Variants in YEATS2 observed in about 807,000 individuals in gnomAD.
YEATS2 encodes the protein YEATS domain containing 2, also known as YEATS domain-containing protein 2.
Under a neutral mutation model 163.2 loss-of-function variants are expected in YEATS2, and 77 were observed. The observed-to-expected ratio is 0.47, with a 90% CI of 0.39 to 0.57. The LOEUF (loss-of-function observed/expected upper bound fraction) is 0.57. Among genes scored for constraint, YEATS2 ranks in the 20% least tolerant of loss-of-function variants. The probability of loss-of-function intolerance (pLI) is 0.00; values close to 1 mark genes in which losing one functional copy is unlikely to be tolerated. For synonymous variants in YEATS2, 631 were observed against 645.1 expected (o/e 0.98, Z 0.33); for missense variants, 1,549 against 1,729.8 (o/e 0.90, Z 1.85).
At chr3:183,708,492 C>T (rs2108989630) in intron 1 of YEATS2, among the ~76,000 whole-genome samples, 1 of 152,274 alleles carries the variant, frequency 6.6e-6, no homozygotes, top group South Asian at 2.1e-4. Flanking sequence ...CTGTACATTA[C>T]ATCATCTTTA....
At chr3:183,756,474 T>C in intron 11 of YEATS2, 54 bp from the exon 12 acceptor site, 1 of 1,459,328 alleles carries the variant, frequency 6.9e-7, no homozygotes, top group Non-Finnish European at 9.1e-7. Flanking sequence ...GACATCTTCT[T>C]ACGTGAGTTG....
intron 17 of YEATS2, 122 bp from the exon 18 acceptor site, chr3:183,775,793 A>G: frequency 6.8e-7 from 1 of 1,462,634 alleles, no homozygotes; most frequent in South Asian, 1.2e-5. Context: ...AAGACGGAGG[A>G]AAATGGGAAA....
intron 7 of YEATS2, among the ~76,000 whole-genome samples, chr3:183,731,353 A>G (rs1490158197): frequency 1.3e-5 from 2 of 151,804 alleles, no homozygotes. Context: ...GTAGGTAGGT[A>G]CAGTATGTTT....
chr3:183,782,634 G>A (rs893285797), intron 19 of YEATS2, among the ~76,000 whole-genome samples: 14 of 152,140 alleles, frequency 9.2e-5, no homozygotes, highest in African/African-American at 3.1e-4. Context: ...ATGTGGGCCA[G>A]GCTGGTCTCG....
At chr3:183,797,870 C>T in intron 21 of YEATS2, 53 bp from the exon 22 acceptor site, 3 of 1,609,462 alleles carry the variant, frequency 1.9e-6, no homozygotes, top group East Asian at 2.2e-5. Context: ...GGATAAGAGA[C>T]TTTCCCGAAG....
rs1717565035 is a variant in YEATS2 at position 183,730,044 on chromosome 3, T to TTTCG, written c.812+1195_812+1196insCGTT. Among the ~76,000 whole-genome samples, 4 of 89,702 alleles carry TTTCG rather than the reference T, an allele frequency of 4.5e-5. No homozygotes were observed. In the East Asian group the frequency reaches 2.2e-3, roughly 49 times the overall value. The allele number at this position is 89,702 out of a possible 152,430, so 58.8% of individuals were successfully genotyped here. Reference sequence around the variant, plus strand: ...ACACATATATATTAATTGTGTGGTTTTTTGTTTGTTTTTTTTTTTTTTTTT... The same window carrying TTTCG: ...ACACATATATATTAATTGTGTGGTTTTTCGTTTGTTTGTTTTTTTTTTTTTTTTT... On this transcript the variant is annotated intron_variant, in intron 7 of 30. Coordinates refer to ENST00000305135, the MANE Select transcript of YEATS2 (RefSeq NM_018023.5).
At chr3:183,722,345 G>A (rs1301384926) in intron 5 of YEATS2, among the ~76,000 whole-genome samples, 2 of 139,548 alleles carry the variant, frequency 1.4e-5, no homozygotes, top group Admixed American at 7.7e-5. Context: ...CTGGAGTGCA[G>A]TGGCAGGATC....
At chr3:183,713,868 C>T (rs889050711) in intron 1 of YEATS2, among the ~76,000 whole-genome samples, 6 of 152,158 alleles carry the variant, frequency 3.9e-5, no homozygotes, top group Non-Finnish European at 5.9e-5. Context: ...TGCAGTGGCA[C>T]GATCTCGGCT....
At chr3:183,722,263 A>G in intron 5 of YEATS2, 127 bp downstream of exon 5, 1 of 818,458 alleles carries the variant, frequency 1.2e-6, no homozygotes, top group Non-Finnish European at 1.7e-6. Flanking sequence ...TCCTTTTATA[A>G]TGGGGAAACC....
In YEATS2 at chr3:183,722,017, A is replaced by T. The variant is rs751072962; in HGVS notation, c.418A>T (p.Ser140Cys). 4 of 1,614,184 alleles carry T rather than the reference A, an allele frequency of 2.5e-6. No individual in the cohort carries two copies. The highest frequency in any genetic ancestry group is 3.4e-6 in the Non-Finnish European group (4 of 1,180,046). The change falls in exon 5 of 31, where the codon AGT (serine) becomes TGT (cysteine). Residue 140 changes from serine (S) to cysteine (C), a missense_variant. Coordinates refer to ENST00000305135, the MANE Select transcript of YEATS2 (RefSeq NM_018023.5). ...AETPSANHSE[S>C]DSLSQHNDFL... ...AACACCATCAGCCAATCATTCAGAA[A>T]GTGATTCTTTATCTCAGCACAATGA...
Position 183,724,437 on chromosome 3 carries a change from G to C in YEATS2, c.556G>C (p.Gly186Arg). ...TTTTCAGGATACTTCTAGAATTACT[G>C]GCTCCCATAAAACAGAACAGCGGAA... ...NTGRDTSRIT[G>R]SHKTEQRNAD... The change falls in exon 6 of 31, where the codon GGC becomes CGC. Residue 186 changes from glycine (G) to arginine (R), a missense_variant. Coordinates refer to ENST00000305135, the MANE Select transcript of YEATS2 (RefSeq NM_018023.5). 1 of 1,611,768 alleles carries C rather than the reference G, an allele frequency of 6.2e-7. No homozygotes were observed. The highest frequency in any genetic ancestry group is 8.5e-7 in the Non-Finnish European group (1 of 1,179,064).
chr3:183,725,697 G>C (rs1331430792), intron 6 of YEATS2, among the ~76,000 whole-genome samples: 1 of 152,216 alleles, frequency 6.6e-6, no homozygotes, highest in Non-Finnish European at 1.5e-5. Context: ...GTCCCTTCCA[G>C]GACGTGTGGG....
Position 183,698,592 on chromosome 3 carries a change from G to A in YEATS2, c.-20+599G>A, listed in dbSNP as rs75129524. The stretch of plus-strand genomic sequence containing the variant: ...AAGACAATGAGGTTTTCTCCATCAT[G>A]AATGTGATTATGTTAAGAAATAGAA... On this transcript the variant is annotated intron_variant, in intron 1 of 30. Transcript: ENST00000305135. Among the ~76,000 whole-genome samples the A allele has an allele frequency of 8.7e-3, 1,323 of 152,324 alleles. 8 individuals are homozygous for A. The highest frequency in any genetic ancestry group is 0.014 in the Non-Finnish European group (940 of 68,024).
intron 27 of YEATS2, among the ~76,000 whole-genome samples, chr3:183,804,723 C>A (rs1238498795): frequency 6.6e-6 from 1 of 152,150 alleles, no homozygotes; most frequent in Non-Finnish European, 1.5e-5. Flanking sequence ...CGCCGTGGCT[C>A]ACGCCTGTAA....
chr3:183,742,927 A>G (rs1577093644), intron 8 of YEATS2, among the ~76,000 whole-genome samples: 1 of 152,260 alleles, frequency 6.6e-6, no homozygotes, highest in South Asian at 2.1e-4. Context: ...AAGAGATTAC[A>G]GTTCACTCAA....
chr3:183,786,348 G>A, intron 20 of YEATS2, 47 bp downstream of exon 20: 1 of 1,548,676 alleles, frequency 6.5e-7, no homozygotes, highest in East Asian at 2.3e-5. Flanking sequence ...ACATGAAAGT[G>A]GTGTAGATAC....
At chr3:183,737,359 G>A (rs1257902132) in intron 8 of YEATS2, among the ~76,000 whole-genome samples, 2 of 152,254 alleles carry the variant, frequency 1.3e-5, no homozygotes, top group South Asian at 2.1e-4. Flanking sequence ...ATAGTGGGGG[G>A]AAGAGATACT....
At chr3:183,785,183 G>A (rs999884224) in intron 19 of YEATS2, among the ~76,000 whole-genome samples, 15 of 151,362 alleles carry the variant, frequency 9.9e-5, no homozygotes, top group Admixed American at 2.0e-4. Flanking sequence ...ACATTTTCTG[G>A]TTTTAAATTA....
chr3:183,773,659 A>G lies in YEATS2; in HGVS notation c.2233A>G (p.Thr745Ala). 1 of 1,609,986 alleles carries G rather than the reference A, an allele frequency of 6.2e-7. No individual in the cohort carries two copies. The highest frequency in any genetic ancestry group is 1.7e-4 in the Middle Eastern group (1 of 6,034). Reference sequence around the variant, plus strand: ...AATGGCAACGTTGCAGCTACCAGCCACTAATTTGGCCAACTTGGCAAATTT... The same window carrying G: ...AATGGCAACGTTGCAGCTACCAGCCGCTAATTTGGCCAACTTGGCAAATTT... ...SVMATLQLPA[T>A]NLANLANLPP... Residue 745 changes from threonine (T) to alanine (A), a missense_variant, in exon 17 of 31, where the codon ACT (threonine) becomes GCT (alanine). Transcript: ENST00000305135.
Sources: allele counts gnomAD v4.1 joint callset (sites outside exome capture counted in the v4.1 genomes callset), GRCh38; gene constraint gnomAD v4.1.1; transcripts MANE v1.5; gene names NCBI Gene and HGNC (gene_info 2026-07-23, HGNC 2026-07-21).